The following TRPC4AP variants were observed in gnomAD, a reference collection of about 807,000 sequenced individuals.
TRPC4AP encodes short transient receptor potential channel 4-associated protein.
Under a neutral mutation model 99.0 loss-of-function variants are expected in TRPC4AP, and 45 were observed. The observed-to-expected ratio is 0.45, with a 90% confidence interval of 0.36 to 0.58. TRPC4AP has a LOEUF of 0.58. Ranked by LOEUF, TRPC4AP falls within the 20% of genes least tolerant of loss-of-function variation. The pLI, the probability that TRPC4AP is intolerant of heterozygous loss-of-function variation, is 0.00. For synonymous variants in TRPC4AP, 408 were observed against 385.8 expected (o/e 1.06, Z -0.67); for missense variants, 879 against 985.3 (o/e 0.89, Z 1.44).
intron 8 of TRPC4AP, among the ~76,000 whole-genome samples, chr20:35,026,103 T>C (rs76482035): frequency 0.031 from 4,658 of 152,302 alleles, 241 homozygotes; most frequent in African/African-American, 0.11. Context: ...TGAGGGTTTA[T>C]TTCTGAACTC....
rs533175414 is a variant in TRPC4AP, at chr20:35,028,335, C to T, written c.1051+6788G>A. 9.9e-5 allele frequency among the ~76,000 whole-genome samples: 15 copies of T among 151,996 alleles called. No homozygotes were observed. The South Asian group carries it at 2.7e-3, about 27-fold the overall frequency. On this transcript the variant is annotated intron_variant, in intron 8 of 18. Transcript: ENST00000252015. ...CTGGACCTCCTGACCTTAAGCGACC[C>T]GCCTCCTCGGCCTCCCAAAGGGCTG...
chr20:35,071,808 G>C (rs2084323792), intron 2 of TRPC4AP, among the ~76,000 whole-genome samples: 1 of 152,190 alleles, frequency 6.6e-6, no homozygotes, highest in Non-Finnish European at 1.5e-5. Context: ...CCAGTAATGG[G>C]ATGGCTGGGT....
At chr20:35,006,983 C>T (rs2082530837) in intron 14 of TRPC4AP, among the ~76,000 whole-genome samples, 1 of 152,180 alleles carries the variant, frequency 6.6e-6, no homozygotes, top group African/African-American at 2.4e-5. Flanking sequence ...CATTTTGACC[C>T]CATGGTTTGT....
intron 2 of TRPC4AP, among the ~76,000 whole-genome samples, chr20:35,074,779 A>G (rs1352847233): frequency 6.6e-6 from 1 of 152,178 alleles, no homozygotes; most frequent in South Asian, 2.1e-4. Context: ...GTAGATGTCT[A>G]TTAGGTCCGC....
intron 16 of TRPC4AP, 87 bp from the exon 17 acceptor site, chr20:35,004,657 C>G: frequency 8.7e-7 from 1 of 1,143,754 alleles, no homozygotes; most frequent in South Asian, 1.3e-5. Context: ...CGCTTGGGTC[C>G]TGACTCTGAA....
At chr20:35,059,856 T>TGAAGAAAAGAC (rs1165852557) in intron 3 of TRPC4AP, among the ~76,000 whole-genome samples, 1 of 145,792 alleles carries the variant, frequency 6.9e-6, no homozygotes, top group Non-Finnish European at 1.5e-5. Flanking sequence ...AAGATGAAGA[T>TGAAGAAAAGAC]GAAGAAAAGA....
At chr20:35,071,439 AC>A (rs970820690) in intron 2 of TRPC4AP, among the ~76,000 whole-genome samples, 1 of 27,272 alleles carries the variant, frequency 3.7e-5, no homozygotes, top group African/African-American at 1.5e-4. Context: ...CCCTCCCCCC[AC>A]CCCATGCCAG....
At chr20:35,019,906 A>G (rs2147293401) in intron 9 of TRPC4AP, among the ~76,000 whole-genome samples, 1 of 152,118 alleles carries the variant, frequency 6.6e-6, no homozygotes, top group East Asian at 1.9e-4. Context: ...CCAAGTGTCA[A>G]TTCTAACACA....
chr20:35,068,979 A>ACACACACAC (rs879662183), intron 3 of TRPC4AP, among the ~76,000 whole-genome samples: 16 of 70,498 alleles, frequency 2.3e-4, no homozygotes, highest in African/African-American at 8.9e-4. Flanking sequence ...ACACACACAC[A>ACACACACAC]AAAAAAACAA....
intron 5 of TRPC4AP, among the ~76,000 whole-genome samples, chr20:35,051,931 G>C (rs566095546): frequency 6.6e-6 from 1 of 152,226 alleles, no homozygotes; most frequent in African/African-American, 2.4e-5. Context: ...ACCTTCCCAA[G>C]TCAACAGTGG....
intron 10 of TRPC4AP, among the ~76,000 whole-genome samples, chr20:35,014,314 A>ATTTTTTTT (rs66518839): frequency 3.5e-5 from 4 of 113,190 alleles, no homozygotes; most frequent in African/African-American, 1.1e-4. Context: ...CTCAGGCAGA[A>ATTTTTTTT]TTTTTTTTTT....
chr20:35,004,415 T>C (rs760863687), intron 17 of TRPC4AP, 43 bp downstream of exon 17: 4 of 1,554,388 alleles, frequency 2.6e-6, no homozygotes, highest in Non-Finnish European at 3.5e-6. Context: ...GGAAGTGGTT[T>C]CCAATCGACC....
At chr20:35,030,887 A>G (rs2083174835) in intron 8 of TRPC4AP, among the ~76,000 whole-genome samples, 1 of 152,218 alleles carries the variant, frequency 6.6e-6, no homozygotes, top group Non-Finnish European at 1.5e-5. Context: ...ATGTGGAGTC[A>G]AATTACTGTC....
At chr20:35,059,172 T>C (rs1465451537) in intron 3 of TRPC4AP, among the ~76,000 whole-genome samples, 1 of 151,988 alleles carries the variant, frequency 6.6e-6, no homozygotes, top group Non-Finnish European at 1.5e-5. Flanking sequence ...AATTCTTAAC[T>C]AGACTGACCA....
chr20:35,044,698 T>C lies in TRPC4AP; in HGVS notation c.672A>G (p.Leu224=). 1 of 1,614,166 alleles carries C rather than the reference T, an allele frequency of 6.2e-7. No homozygotes were observed. The highest frequency in any genetic ancestry group is 8.5e-7 in the Non-Finnish European group (1 of 1,179,996). ...AGGAACTCAGATTGGGGACTTCATC[T>C]AGTCGGATCATTTCCTACAGAAGAC... ...ILGVKKEMIR[L]DEVPNLSSLV... is the part of the protein sequence containing the mutation. The change falls in exon 7 of 19, where the codon CTA becomes CTG. Residue 224 remains leucine, a synonymous_variant. Coordinates refer to ENST00000252015, the MANE Select transcript of TRPC4AP (RefSeq NM_015638.3).
intron 10 of TRPC4AP, among the ~76,000 whole-genome samples, chr20:35,015,791 G>A (rs1057202207): frequency 2.0e-5 from 3 of 152,122 alleles, no homozygotes; most frequent in African/African-American, 4.8e-5. Flanking sequence ...GCCCAGCCTA[G>A]GAAGATCTTA....
intron 7 of TRPC4AP, among the ~76,000 whole-genome samples, chr20:35,042,474 T>C (rs901433292): frequency 1.3e-5 from 2 of 152,198 alleles, no homozygotes; most frequent in African/African-American, 4.8e-5. Flanking sequence ...AACTGGACTT[T>C]AGAAACAAAG....
intron 8 of TRPC4AP, 41 bp from the exon 9 acceptor site, chr20:35,021,397 G>T: frequency 3.7e-6 from 6 of 1,601,252 alleles, no homozygotes; most frequent in Non-Finnish European, 4.3e-6. Flanking sequence ...CACAGCTTGT[G>T]AGGAAACACG....
intron 3 of TRPC4AP, among the ~76,000 whole-genome samples, chr20:35,059,844 CGAAGAT>C (rs1334588966): frequency 1.5e-4 from 23 of 149,244 alleles, no homozygotes; most frequent in Non-Finnish European, 2.4e-4. Context: ...ACAAAGAAGA[CGAAGAT>C]GAAGATGAAG....
Sources: allele counts gnomAD v4.1 joint callset (sites outside exome capture counted in the v4.1 genomes callset), GRCh38; gene constraint gnomAD v4.1.1; transcripts MANE v1.5; gene names NCBI Gene and HGNC (gene_info 2026-07-23, HGNC 2026-07-21).